Variants in FBXO34 observed in about 807,000 individuals in gnomAD.
FBXO34 encodes F-box protein 34, also known as F-box only protein 34.
FBXO34 carries 12 observed loss-of-function variants against 24.5 expected under a neutral mutation model. That is an observed-to-expected ratio of 0.49 (90% CI 0.31 to 0.79). The LOEUF (loss-of-function observed/expected upper bound fraction) is 0.79. Among genes scored for constraint, FBXO34 ranks in the 30% least tolerant of loss-of-function variants. The pLI, the probability that FBXO34 is intolerant of heterozygous loss-of-function variation, is 0.04. For missense variants in FBXO34, 823 were observed against 857.7 expected, an observed-to-expected ratio of 0.96 and a Z score of 0.51; for synonymous variants, 320 against 311.9, an observed-to-expected ratio of 1.03 and a Z score of -0.27.
chr14:55,403,074 C>T, the FBXO34 span, among the ~76,000 whole-genome samples: 1 of 148,232 alleles, frequency 6.7e-6, no homozygotes, highest in Non-Finnish European at 1.5e-5. Flanking sequence ...GAGCTATGAT[C>T]CTACACTATA....
chr14:55,318,049 C>A (rs879383002), intron 1 of FBXO34: 4 of 151,946 alleles, frequency 2.6e-5, no homozygotes, highest in Admixed American at 6.6e-5. Flanking sequence ...CTGATGCTTA[C>A]CTTAGGGTTT....
At chr14:55,292,410 AGT>A (rs1429999808) in intron 1 of FBXO34, among the ~76,000 whole-genome samples, 1 of 151,146 alleles carries the variant, frequency 6.6e-6, no homozygotes, top group Non-Finnish European at 1.5e-5. Context: ...TTCAGGCTGG[AGT>A]GTGGTGGTGC....
chr14:55,417,453 TAAAAA>T, the FBXO34 span, among the ~76,000 whole-genome samples: 4,127 of 91,332 alleles, frequency 0.045, 264 homozygotes, highest in African/African-American at 0.17. Flanking sequence ...ACCCTTGCCT[TAAAAA>T]AAAAAAAAAA....
At chr14:55,359,359 T>G (rs1324927229) in intron 3 of FBXO34, among the ~76,000 whole-genome samples, 2 of 152,168 alleles carry the variant, frequency 1.3e-5, no homozygotes, top group Non-Finnish European at 2.9e-5. Context: ...TAGATAAAAT[T>G]CGTTCCATCC....
downstream of FBXO34, among the ~76,000 whole-genome samples, chr14:55,357,889 T>G (rs1884544290): frequency 6.6e-6 from 1 of 152,182 alleles, no homozygotes; most frequent in Non-Finnish European, 1.5e-5. Context: ...TTGCCAAACA[T>G]GAGTAAAATG....
At position 55,326,471 on chromosome 14, in the gene FBXO34, T is replaced by C. The variant is rs116799213; in HGVS notation, c.-10-23910T>C. 2.2e-3 allele frequency among the ~76,000 whole-genome samples: 342 copies of C among 152,350 alleles called. 3 individuals carry two copies. The highest frequency in any genetic ancestry group is 7.5e-3 in the African/African-American group (313 of 41,582). ...CTGTGGGACAAGGTTGTTTGGGGCC[T>C]ACATCTTAGAGATTTTCCTTAGCAG... is the stretch of plus-strand genomic sequence containing the variant. On this transcript the variant is annotated intron_variant, in intron 1 of 1. Coordinates refer to ENST00000313833, the MANE Select transcript of FBXO34 (RefSeq NM_017943.4).
chr14:55,395,317 T>C, the FBXO34 span: 1 of 267,332 alleles, frequency 3.7e-6, no homozygotes, highest in Non-Finnish European at 7.6e-6. Flanking sequence ...GCCTGGCTGC[T>C]GCCACGCCTC....
chr14:55,392,842 C>CATCT, the FBXO34 span, among the ~76,000 whole-genome samples: 3 of 152,244 alleles, frequency 2.0e-5, no homozygotes, highest in East Asian at 5.8e-4. Context: ...GAAACTCTAA[C>CATCT]ATCTCGAATA....
chr14:55,382,154 T>C, the FBXO34 span: 7 of 1,614,022 alleles, frequency 4.3e-6, no homozygotes, highest in African/African-American at 1.3e-5. Flanking sequence ...CTGGAGGTCA[T>C]GGCACTGTCA....
intron 1 of FBXO34, among the ~76,000 whole-genome samples, chr14:55,339,658 T>C (rs958339433): frequency 7.9e-5 from 12 of 152,194 alleles, no homozygotes; most frequent in African/African-American, 2.9e-4. Context: ...TAGTATAGAT[T>C]TATTTCTCAC....
intron 1 of FBXO34, among the ~76,000 whole-genome samples, chr14:55,332,083 AAT>A (rs200958593): frequency 0.45 from 37,338 of 83,702 alleles, 13,256 homozygotes; most frequent in African/African-American, 0.79. Context: ...GGTATGTATA[AAT>A]ATATATATAT....
the FBXO34 span, among the ~76,000 whole-genome samples, chr14:55,432,790 G>A: frequency 3.3e-5 from 5 of 152,186 alleles, no homozygotes; most frequent in Non-Finnish European, 7.4e-5. Context: ...AACACCTACA[G>A]GAGAAAACAG....
At chr14:55,441,887 C>G in the FBXO34 span, among the ~76,000 whole-genome samples, 1 of 151,770 alleles carries the variant, frequency 6.6e-6, no homozygotes, top group Non-Finnish European at 1.5e-5. Flanking sequence ...CTCAGTCTCC[C>G]GAGTAGCTGG....
rs568238431 is a variant in FBXO34, at chr14:55,320,103, G to A, written c.-10-30278G>A. Among the ~76,000 whole-genome samples, 26 of 152,268 alleles carry A rather than the reference G, an allele frequency of 1.7e-4. 1 individual carries two copies. Among genetic ancestry groups the A allele is most frequent in the South Asian group, 1.7e-3 (8 of 4,822 alleles). On this transcript the variant is annotated intron_variant, in intron 1 of 1. Coordinates refer to ENST00000313833, the MANE Select transcript of FBXO34 (RefSeq NM_017943.4). Reference sequence around the variant, plus strand: ...AATTGGACCGCCTCAGGTTATCCAGGTCCTTTAACTGCCATGCTTGCCATA... The same window carrying A: ...AATTGGACCGCCTCAGGTTATCCAGATCCTTTAACTGCCATGCTTGCCATA...
chr14:55,380,711 CCAT>C, the FBXO34 span: 1 of 1,516,836 alleles, frequency 6.6e-7, no homozygotes, highest in Non-Finnish European at 9.0e-7. Context: ...AAAACAACCA[CCAT>C]GTACAAAACC....
the FBXO34 span, chr14:55,424,090 T>G: frequency 2.7e-6 from 3 of 1,104,630 alleles, no homozygotes; most frequent in Non-Finnish European, 4.1e-6. Context: ...CAAAGGTATT[T>G]AAAAGAATAA....
chr14:55,369,548 A>G, downstream of FBXO34: 1 of 1,321,916 alleles, frequency 7.6e-7, no homozygotes, highest in Non-Finnish European at 1.0e-6. Context: ...CTTAAACAGA[A>G]AATGTTTACT....
At chr14:55,380,131 C>G in the FBXO34 span, among the ~76,000 whole-genome samples, 4 of 151,996 alleles carry the variant, frequency 2.6e-5, no homozygotes, top group African/African-American at 9.7e-5. Flanking sequence ...GCCTGTAATC[C>G]CAGCTACACA....
the FBXO34 span, chr14:55,382,037 T>G: frequency 6.2e-7 from 1 of 1,614,200 alleles, no homozygotes; most frequent in South Asian, 1.1e-5. Context: ...GGGAGGCTAA[T>G]CCAAGGCCCT....
Sources: allele counts gnomAD v4.1 joint callset (sites outside exome capture counted in the v4.1 genomes callset), GRCh38; gene constraint gnomAD v4.1.1; transcripts MANE v1.5; gene names NCBI Gene and HGNC (gene_info 2026-07-23, HGNC 2026-07-21).